Variants in MYEF2 observed in about 807,000 individuals in gnomAD.
MYEF2 encodes the protein myelin gene expression factor 2.
Under a neutral mutation model 75.2 loss-of-function variants are expected in MYEF2, and 37 were observed. That is an observed-to-expected ratio of 0.49 (90% CI 0.38 to 0.65). The LOEUF is 0.65. Ranked by LOEUF, MYEF2 falls within the 30% of genes least tolerant of loss-of-function variation. The pLI is 0.00. For missense variants in MYEF2, 634 were observed against 771.4 expected (o/e 0.82, Z 2.11); for synonymous variants, 195 against 241.6 (o/e 0.81, Z 1.79).
At chr15:48,171,073 C>T (rs1333285642) in intron 1 of MYEF2, among the ~76,000 whole-genome samples, 1 of 152,182 alleles carries the variant, frequency 6.6e-6, no homozygotes, top group Non-Finnish European at 1.5e-5. Flanking sequence ...ACCTACCTGT[C>T]TAAACAGAGT....
At chr15:48,176,219 T>TTAAA (rs1253635917) in intron 1 of MYEF2, among the ~76,000 whole-genome samples, 1 of 63,104 alleles carries the variant, frequency 1.6e-5, no homozygotes, top group Admixed American at 1.7e-4. Flanking sequence ...GTTCACGAAG[T>TTAAA]AAAAAAAAAA....
chr15:48,167,422 G>T, intron 2 of MYEF2, 21 bp from the exon 3 acceptor site: 1 of 1,610,170 alleles, frequency 6.2e-7, no homozygotes, highest in East Asian at 2.2e-5. Flanking sequence ...CATACAAAAG[G>T]AAGATACCAA....
At chr15:48,169,556 A>C (rs959717005) in intron 1 of MYEF2, among the ~76,000 whole-genome samples, 1 of 152,196 alleles carries the variant, frequency 6.6e-6, no homozygotes, top group African/African-American at 2.4e-5. Flanking sequence ...GTAGGACAGA[A>C]GCAGTACATA....
chr15:48,159,588 A>G (rs1363676938), intron 6 of MYEF2, 25 bp downstream of exon 6: 1 of 1,600,278 alleles, frequency 6.2e-7, no homozygotes, highest in African/African-American at 1.3e-5. Context: ...TGAATGACAA[A>G]TTTTAGACTA....
At chr15:48,157,662 GAAGAA>G (rs765143966) in intron 9 of MYEF2, 273 of 763,418 alleles carry the variant, frequency 3.6e-4, no homozygotes, top group Non-Finnish European at 4.3e-4. Context: ...TAGCAGGCTA[GAAGAA>G]AATACACAAA....
chr15:48,158,957 T>C, intron 6 of MYEF2, 35 bp from the exon 7 acceptor site: 2 of 1,572,070 alleles, frequency 1.3e-6, no homozygotes, highest in Non-Finnish European at 1.7e-6. Flanking sequence ...ACATACCTAA[T>C]AAATCCATCT....
Position 48,149,522 on chromosome 15 carries a change from T to C in MYEF2, c.1379-151A>G, listed in dbSNP as rs2039415421. The C allele has an allele frequency of 1.2e-5, 6 of 484,060 alleles. No individual in the cohort carries two copies. The highest frequency in any genetic ancestry group is 2.1e-5 in the Non-Finnish European group (6 of 286,370). The allele number at this position is 484,060 out of a possible 1,614,324, so 30.0% of individuals were successfully genotyped here. On this transcript the variant is annotated intron_variant, in intron 14 of 16. Coordinates refer to ENST00000324324, the MANE Select transcript of MYEF2 (RefSeq NM_016132.5). This position sits in a 1 kb window ranked among gnomAD's most constrained non-coding sequence, Gnocchi z 4.0. ...TTAATTTGTTTATATAATTAAATAATATAAAAACATAAAATTATTTTCATA... is the reference window on the plus strand; with the variant it reads ...TTAATTTGTTTATATAATTAAATAACATAAAAACATAAAATTATTTTCATA...
Position 48,139,121 on chromosome 15 carries a change from G to T in MYEF2, c.*3787C>A, listed in dbSNP as rs566886499. 6.2e-7 allele frequency: 1 copy of T among 1,613,016 alleles called. No individual in the cohort carries two copies. The highest frequency in any genetic ancestry group is 2.2e-5 in the East Asian group (1 of 44,752). ...CTTTGTGATAACCTTTTTCATGTCT[G>T]CAATATGGATATCCGCATTTACATA... is the stretch of plus-strand genomic sequence containing the variant. On this transcript the variant is annotated 3_prime_UTR_variant, in exon 17 of 17. Coordinates refer to ENST00000324324, the MANE Select transcript of MYEF2 (RefSeq NM_016132.5).
In MYEF2 at chr15:48,149,173, A is replaced by T; in HGVS notation, c.1577T>A (p.Phe526Tyr). Residue 526 changes from phenylalanine (F) to tyrosine (Y), a missense_variant, in exon 15 of 17, where the codon TTT becomes TAT. By Grantham distance (22) the Phe-to-Tyr change is conservative (BLOSUM62 3). Coordinates refer to ENST00000324324, the MANE Select transcript of MYEF2 (RefSeq NM_016132.5). This position sits in a 1 kb window ranked among gnomAD's most constrained non-coding sequence, Gnocchi z 4.0. ...TATTTATTTGCTTACATTTCTGACA[A>T]ATATCTGGTTGCCTTTGGAGCCTAT... is the stretch of plus-strand genomic sequence containing the variant. ...ERIGSKGNQI[F>Y]VRNLPFDLTW... The T allele has an allele frequency of 6.2e-7, 1 of 1,613,360 alleles. No homozygotes were observed. The highest frequency in any genetic ancestry group is 8.5e-7 in the Non-Finnish European group (1 of 1,179,438).
In MYEF2 at chr15:48,159,822, T is replaced by A. The variant is rs1186362100; in HGVS notation, c.526-18A>T. The stretch of plus-strand genomic sequence containing the variant: ...TCAGGATCCTATAACACACATTGAA[T>A]GTTAAATTCCACTAAATACATCACT... On this transcript the variant is annotated intron_variant, in intron 5 of 16. Coordinates refer to ENST00000324324, the MANE Select transcript of MYEF2 (RefSeq NM_016132.5). 9 of 1,599,088 alleles carry A rather than the reference T, an allele frequency of 5.6e-6. No homozygotes were observed. Among genetic ancestry groups the A allele is most frequent in the Middle Eastern group, 1.7e-4 (1 of 6,048 alleles).
At chr15:48,153,742 A>T in intron 10 of MYEF2, 50 bp downstream of exon 10, 1 of 1,373,718 alleles carries the variant, frequency 7.3e-7, no homozygotes, top group Non-Finnish European at 1.0e-6. Context: ...AGGCTTTATT[A>T]GCTAGCATAT....
intron 9 of MYEF2, among the ~76,000 whole-genome samples, chr15:48,155,738 A>G (rs2039670380): frequency 6.6e-6 from 1 of 151,050 alleles, no homozygotes; most frequent in African/African-American, 2.4e-5. Context: ...TTCCATTTTC[A>G]AATAATACAT....
intron 14 of MYEF2, 59 bp downstream of exon 14, chr15:48,151,041 C>A (rs2039472609): frequency 6.6e-6 from 8 of 1,220,004 alleles, no homozygotes; most frequent in Non-Finnish European, 7.1e-6. Flanking sequence ...ACTACTCTTG[C>A]AAAGTCTTTG....
rs1312382344 is a variant in MYEF2, at chr15:48,178,172, G to A, written c.66C>T (p.Pro22=). ...GCCGCGGCTCGCCCGGCGGCTCTGC[G>A]GGCTGCAGGTGCGGGCTGTCGCCAC... is the stretch of plus-strand genomic sequence containing the variant. ...ATGGDSPHLQ[P]AEPPGEPRRE... Residue 22 remains proline (P), a synonymous_variant, in exon 1 of 17, where the codon CCC becomes CCT. Coordinates refer to ENST00000324324, the MANE Select transcript of MYEF2 (RefSeq NM_016132.5). 5.2e-6 allele frequency: 8 copies of A among 1,548,470 alleles called. No homozygotes were observed. The African/African-American group carries it at 9.8e-5, about 19-fold the overall frequency.
At chr15:48,158,615 C>T (rs989295259) in intron 7 of MYEF2, among the ~76,000 whole-genome samples, 154 bp downstream of exon 7, 35 of 152,274 alleles carry the variant, frequency 2.3e-4, no homozygotes, top group African/African-American at 8.2e-4. Context: ...GACTTTAATA[C>T]TTGGACCTAC....
rs190916376 is a variant in MYEF2, at chr15:48,149,135, G to T, written c.1587+28C>A. On this transcript the variant is annotated intron_variant, in intron 15 of 16. Transcript: ENST00000324324. This position sits in a 1 kb window ranked among gnomAD's most constrained non-coding sequence, Gnocchi z 4.0. The stretch of plus-strand genomic sequence containing the variant: ...ATATATACAAGAAAAAAAAGAATTT[G>T]AATTATCCTTAATATTTATTTGCTT... The T allele has an allele frequency of 1.4e-4, 221 of 1,612,524 alleles. 1 individual carries two copies. The African/African-American group carries it at 2.6e-3, about 19-fold the overall frequency.
Position 48,140,927 on chromosome 15 carries a change from T to A in MYEF2, c.*1981A>T. 2.0e-6 allele frequency: 1 copy of A among 494,890 alleles called. No individual in the cohort carries two copies. The highest frequency in any genetic ancestry group is 3.7e-6 in the Non-Finnish European group (1 of 273,058). The allele number at this position is 494,890 out of a possible 1,614,324, so 30.7% of individuals were successfully genotyped here. Reference sequence around the variant, plus strand: ...TCATTAAAAATCTGTGCTACCTGGGTTACCCGAATTACCAGCCTGATTCAA... The same window carrying A: ...TCATTAAAAATCTGTGCTACCTGGGATACCCGAATTACCAGCCTGATTCAA... On this transcript the variant is annotated 3_prime_UTR_variant, in exon 17 of 17. Transcript: ENST00000324324.
In MYEF2 at chr15:48,140,773, C is replaced by G. The variant is rs565508398; in HGVS notation, c.*2135G>C. ...TTTAAGAAAGAAAAAGCGGAATGAT[C>G]AGTCTCATTATCAAATATTCAGCAC... On this transcript the variant is annotated 3_prime_UTR_variant, in exon 17 of 17. Transcript: ENST00000324324. 4 of 205,226 alleles carry G rather than the reference C, an allele frequency of 1.9e-5. No individual in the cohort carries two copies. The highest frequency in any genetic ancestry group is 5.3e-5 in the Admixed American group (1 of 18,738). 12.7% of individuals were successfully genotyped at this position (205,226 alleles called of 1,614,324 possible).
Position 48,168,858 on chromosome 15 carries a change from C to A in MYEF2, c.162-19G>T. On this transcript the variant is annotated intron_variant, in intron 1 of 16. Coordinates refer to ENST00000324324, the MANE Select transcript of MYEF2 (RefSeq NM_016132.5). ...ATTCTCCCTGTGAATTAAAAAAAGT[C>A]AAACAAACAAAAACCCTCAGTTGTG... The A allele has an allele frequency of 6.4e-7, 1 of 1,569,326 alleles. No individual in the cohort carries two copies. Among genetic ancestry groups the A allele is most frequent in the South Asian group, 1.1e-5 (1 of 88,404 alleles).
Sources: allele counts gnomAD v4.1 joint callset (sites outside exome capture counted in the v4.1 genomes callset), GRCh38; gene constraint gnomAD v4.1.1; non-coding constraint Gnocchi (gnomAD v3.1); transcripts MANE v1.5; gene names NCBI Gene and HGNC (gene_info 2026-07-23, HGNC 2026-07-21).